Variants in SLC24A2 observed in about 807,000 individuals in gnomAD.
SLC24A2 encodes the protein sodium/potassium/calcium exchanger 2.
In SLC24A2, 36 loss-of-function variants were observed where a neutral mutation model predicts 62.0. That is an observed-to-expected ratio of 0.58 (90% CI 0.44 to 0.77). The LOEUF is 0.77. SLC24A2 is among the 30% of genes least tolerant of loss of function. The pLI is 0.00. For synonymous variants in SLC24A2, 358 were observed against 294.0 expected (o/e 1.22, Z -2.23); for missense variants, 846 against 817.9 (o/e 1.03, Z -0.42).
chr9:19,652,676 T>C (rs1006697658), intron 2 of SLC24A2, among the ~76,000 whole-genome samples: 1 of 152,200 alleles, frequency 6.6e-6, no homozygotes, highest in African/African-American at 2.4e-5. Flanking sequence ...ATAATCAATA[T>C]GTGTTGTTTT....
the SLC24A2 span, among the ~76,000 whole-genome samples, chr9:20,303,076 C>T: frequency 6.6e-6 from 1 of 152,156 alleles, no homozygotes; most frequent in Non-Finnish European, 1.5e-5. Flanking sequence ...TCCATCTTAT[C>T]ACACTTTTAA....
chr9:19,768,378 C>A (rs902760729), intron 2 of SLC24A2, among the ~76,000 whole-genome samples: 3 of 152,158 alleles, frequency 2.0e-5, no homozygotes, highest in Non-Finnish European at 2.9e-5. Flanking sequence ...ATTGCTAACC[C>A]CAATGTTCAA....
intron 2 of SLC24A2, among the ~76,000 whole-genome samples, chr9:19,746,224 T>C (rs1023416583): frequency 6.6e-5 from 10 of 152,102 alleles, no homozygotes; most frequent in Admixed American, 2.6e-4. Context: ...CTACGACAAC[T>C]TTCCGATGGG....
chr9:19,683,221 C>A (rs1280459250), intron 2 of SLC24A2, among the ~76,000 whole-genome samples: 1 of 152,076 alleles, frequency 6.6e-6, no homozygotes, highest in Non-Finnish European at 1.5e-5. Flanking sequence ...AAAGCAAATC[C>A]CCCACAGGCA....
intron 2 of SLC24A2, among the ~76,000 whole-genome samples, chr9:19,708,361 C>A (rs538203300): frequency 6.6e-6 from 1 of 152,208 alleles, no homozygotes; most frequent in Admixed American, 6.5e-5. Flanking sequence ...ATGCCATCCC[C>A]ATCAAGCTAC....
At chr9:20,234,347 G>A in the SLC24A2 span, among the ~76,000 whole-genome samples, 111 of 152,284 alleles carry the variant, frequency 7.3e-4, no homozygotes, top group African/African-American at 1.9e-3. Flanking sequence ...CATTCTCCCC[G>A]TCACTTTCAG....
At chr9:20,014,394 T>C in the SLC24A2 span, among the ~76,000 whole-genome samples, 1 of 151,316 alleles carries the variant, frequency 6.6e-6, no homozygotes, top group Non-Finnish European at 1.5e-5. Flanking sequence ...CCAGAGGAAA[T>C]GAGATCAGTA....
At chr9:19,645,219 T>C (rs1245384326) in intron 2 of SLC24A2, among the ~76,000 whole-genome samples, 2 of 152,232 alleles carry the variant, frequency 1.3e-5, no homozygotes, top group African/African-American at 4.8e-5. Flanking sequence ...TTAGCTCCAG[T>C]ATGAATATAA....
the SLC24A2 span, among the ~76,000 whole-genome samples, chr9:20,287,870 G>A: frequency 4.6e-5 from 7 of 152,136 alleles, no homozygotes; most frequent in Non-Finnish European, 8.8e-5. Context: ...CCTGATATTG[G>A]CTGATACTCA....
intron 2 of SLC24A2, among the ~76,000 whole-genome samples, chr9:19,625,388 A>G (rs899860960): frequency 1.3e-5 from 2 of 152,204 alleles, no homozygotes; most frequent in Non-Finnish European, 2.9e-5. Context: ...TATAGTACAC[A>G]CACAACTATT....
the SLC24A2 span, among the ~76,000 whole-genome samples, chr9:19,818,488 A>G: frequency 1.3e-5 from 2 of 152,176 alleles, no homozygotes; most frequent in Non-Finnish European, 2.9e-5. Context: ...TAGAATTGAT[A>G]AAAGAATTCA....
the SLC24A2 span, among the ~76,000 whole-genome samples, chr9:20,246,227 G>A: frequency 6.6e-6 from 1 of 152,194 alleles, no homozygotes. Context: ...CTGTTTCAGA[G>A]CTGGAGTTAT....
chr9:20,171,279 C>T, the SLC24A2 span, among the ~76,000 whole-genome samples: 1 of 148,896 alleles, frequency 6.7e-6, no homozygotes, highest in African/African-American at 2.5e-5. Flanking sequence ...AAGCATAAAT[C>T]TCACAGGACC....
intron 4 of SLC24A2, among the ~76,000 whole-genome samples, chr9:19,602,648 G>C (rs1836871296): frequency 6.6e-6 from 1 of 152,212 alleles, no homozygotes. Context: ...GTTCAGGAAA[G>C]TGGTATTGTC....
At chr9:19,521,842 G>T (rs1462659954) in intron 9 of SLC24A2, among the ~76,000 whole-genome samples, 3 of 151,692 alleles carry the variant, frequency 2.0e-5, no homozygotes, top group Admixed American at 6.6e-5. Context: ...AAAGCAAGGG[G>T]AGGGTGGCTA....
At chr9:20,247,757 C>T in the SLC24A2 span, among the ~76,000 whole-genome samples, 6 of 152,204 alleles carry the variant, frequency 3.9e-5, no homozygotes, top group Non-Finnish European at 8.8e-5. Context: ...GGAGCCTTTT[C>T]AGGCGACCAT....
chr9:19,736,729 G>A (rs1295770463), intron 2 of SLC24A2, among the ~76,000 whole-genome samples: 3 of 152,256 alleles, frequency 2.0e-5, no homozygotes, highest in East Asian at 3.9e-4. Flanking sequence ...GTGTGCACCT[G>A]TAATCTTAGC....
chr9:19,769,427 A>G (rs1822617053), intron 2 of SLC24A2, among the ~76,000 whole-genome samples: 1 of 152,242 alleles, frequency 6.6e-6, no homozygotes, highest in African/African-American at 2.4e-5. Context: ...AGCCTGTCTC[A>G]ACACTTCCAC....
the SLC24A2 span, among the ~76,000 whole-genome samples, chr9:19,854,208 T>C: frequency 2.6e-5 from 4 of 152,184 alleles, no homozygotes; most frequent in Non-Finnish European, 4.4e-5. Context: ...TTTATCAGTC[T>C]AGCTAGCAGT....
Sources: allele counts gnomAD v4.1 joint callset (sites outside exome capture counted in the v4.1 genomes callset), GRCh38; gene constraint gnomAD v4.1.1; transcripts MANE v1.5; gene names NCBI Gene and HGNC (gene_info 2026-07-23, HGNC 2026-07-21).